Variants in SEC61A1 observed in about 807,000 individuals in gnomAD.
SEC61A1 encodes the protein SEC61 translocon subunit alpha 1.
In SEC61A1, 15 loss-of-function variants were observed where a neutral mutation model predicts 55.2. The ratio of observed to expected loss-of-function variants is 0.27; its 90% confidence interval spans 0.18 to 0.42. The LOEUF (loss-of-function observed/expected upper bound fraction) is 0.42, where lower values mean the gene tolerates loss of function less well. Ranked by LOEUF, SEC61A1 falls within the 10% of genes least tolerant of loss-of-function variation. The pLI is 1.00. For synonymous variants in SEC61A1, 247 were observed against 234.0 expected (o/e 1.06, Z -0.51); for missense variants, 284 against 602.6 (o/e 0.47, Z 5.53).
intron 2 of SEC61A1, among the ~76,000 whole-genome samples, chr3:128,055,217 A>G (rs534264647): frequency 1.3e-5 from 2 of 152,288 alleles, no homozygotes; most frequent in Admixed American, 6.5e-5. Context: ...TCACTTTAGC[A>G]TTGGGGTTTG....
At position 128,067,898 on chromosome 3, in the gene SEC61A1, G is replaced by A. The variant is rs1942033150; in HGVS notation, c.1168-85G>A. 3 of 1,050,700 alleles carry A rather than the reference G, an allele frequency of 2.9e-6. No individual in the cohort carries two copies. Among genetic ancestry groups the A allele is most frequent in the South Asian group, 1.3e-5 (1 of 78,616 alleles). The allele number at this position is 1,050,700 out of a possible 1,614,324, so 65.1% of individuals were successfully genotyped here. On this transcript the variant is annotated intron_variant, in intron 10 of 11. Coordinates refer to ENST00000243253, the MANE Select transcript of SEC61A1 (RefSeq NM_013336.4). This position sits in a 1 kb window ranked among gnomAD's most constrained non-coding sequence, Gnocchi z 4.1. ...GAATATTGTCAGTGCTCGAAGAGGCGATCTGTAACTGTTCAGTACCACTTG... is the reference window on the plus strand; with the variant it reads ...GAATATTGTCAGTGCTCGAAGAGGCAATCTGTAACTGTTCAGTACCACTTG...
At chr3:128,068,137 G>A in intron 11 of SEC61A1, 78 bp downstream of exon 11, 1 of 1,056,846 alleles carries the variant, frequency 9.5e-7, no homozygotes, top group South Asian at 1.3e-5. Context: ...ATCCTGATAG[G>A]CCCTAGCACT....
intron 8 of SEC61A1, among the ~76,000 whole-genome samples, chr3:128,066,432 G>T (rs1350161692): frequency 6.6e-6 from 1 of 151,722 alleles, no homozygotes; most frequent in Non-Finnish European, 1.5e-5. Context: ...TCCATGTTTT[G>T]TTTTGTGTGA....
chr3:128,052,993 G>A (rs958487933), intron 2 of SEC61A1, 91 bp downstream of exon 2: 4 of 952,172 alleles, frequency 4.2e-6, no homozygotes, highest in East Asian at 2.5e-5. Flanking sequence ...CTTCAGCACG[G>A]CAATGGAAAC....
At chr3:128,055,422 C>A in intron 2 of SEC61A1, 94 bp from the exon 3 acceptor site, 1 of 976,826 alleles carries the variant, frequency 1.0e-6, no homozygotes, top group Non-Finnish European at 1.7e-6. Flanking sequence ...TGGTTGGAGT[C>A]CATTTTTAGA....
At chr3:128,065,220 C>G (rs1177754911) in intron 8 of SEC61A1, 183 bp downstream of exon 8, 1 of 725,086 alleles carries the variant, frequency 1.4e-6, no homozygotes, top group South Asian at 1.5e-5. Flanking sequence ...AGTCATGGGA[C>G]CTGCCATTAA....
rs1303416468 is a variant in SEC61A1 at position 128,052,534 on chromosome 3, A to T, written c.-19A>T. The T allele has an allele frequency of 1.3e-6, 2 of 1,596,218 alleles. No individual in the cohort carries two copies. The highest frequency in any genetic ancestry group is 4.5e-5 in the East Asian group (2 of 44,142). On this transcript the variant is annotated 5_prime_UTR_variant, in exon 1 of 12. Transcript: ENST00000243253. ...AGAGCTGAGCTGAAGCGGGACCCGGAGCCCGAGCAGCCGCCGCCATGGCAA... is the reference window on the plus strand; with the variant it reads ...AGAGCTGAGCTGAAGCGGGACCCGGTGCCCGAGCAGCCGCCGCCATGGCAA...
rs1330871789 is a variant in SEC61A1, at chr3:128,070,444, C to T, written c.*782C>T. Reference sequence around the variant, plus strand: ...GTGGACAGACCCTTGCAGTGATGTCCGTTTGTCCAGATTCTGCCAGTCATC... The same window carrying T: ...GTGGACAGACCCTTGCAGTGATGTCTGTTTGTCCAGATTCTGCCAGTCATC... On this transcript the variant is annotated 3_prime_UTR_variant, in exon 12 of 12. Coordinates refer to ENST00000243253, the MANE Select transcript of SEC61A1 (RefSeq NM_013336.4). 1.3e-5 allele frequency: 2 copies of T among 152,210 alleles called. No individual in the cohort carries two copies. The highest frequency in any genetic ancestry group is 2.9e-5 in the Non-Finnish European group (2 of 68,056). 9.4% of individuals were successfully genotyped at this position (152,210 alleles called of 1,614,324 possible).
chr3:128,064,031 C>G (rs1374844756), intron 7 of SEC61A1, among the ~76,000 whole-genome samples: 1 of 152,142 alleles, frequency 6.6e-6, no homozygotes, highest in Non-Finnish European at 1.5e-5. Flanking sequence ...GGCAGGGTGT[C>G]ATTTGGATGG....
At chr3:128,066,842 C>A in intron 8 of SEC61A1, 112 bp from the exon 9 acceptor site, 1 of 997,422 alleles carries the variant, frequency 1.0e-6, no homozygotes, top group Non-Finnish European at 1.5e-6. Flanking sequence ...AGAACCAGCA[C>A]ACAGGATTTC....
chr3:128,062,401 A>G (rs527958572), intron 7 of SEC61A1, among the ~76,000 whole-genome samples: 9 of 152,334 alleles, frequency 5.9e-5, no homozygotes, highest in Admixed American at 4.6e-4. Context: ...ACAGGCAGAG[A>G]CAGTAATCAC....
intron 11 of SEC61A1, 150 bp downstream of exon 11, chr3:128,068,209 A>C (rs1019643658): frequency 4.7e-6 from 3 of 637,992 alleles, no homozygotes; most frequent in African/African-American, 1.8e-5. Context: ...TATATTTATA[A>C]ACTTGCTAAG....
Position 128,069,833 on chromosome 3 carries a change from T to C in SEC61A1, c.*171T>C. 1.5e-6 allele frequency: 1 copy of C among 664,408 alleles called. No individual in the cohort carries two copies. The highest frequency in any genetic ancestry group is 2.5e-6 in the Non-Finnish European group (1 of 403,192). 41.2% of individuals were successfully genotyped at this position (664,408 alleles called of 1,614,324 possible). ...GACATTTTCCAATTTAAAATTTTGC[T>C]TTTTATCCTGGCACTGGCAAAAAGA... is the stretch of plus-strand genomic sequence containing the variant. On this transcript the variant is annotated 3_prime_UTR_variant, in exon 12 of 12. Coordinates refer to ENST00000243253, the MANE Select transcript of SEC61A1 (RefSeq NM_013336.4).
In SEC61A1 at chr3:128,067,883, A is replaced by G. The variant is rs1037093770; in HGVS notation, c.1168-100A>G. 1.1e-6 allele frequency: 1 copy of G among 910,334 alleles called. No individual in the cohort carries two copies. Among genetic ancestry groups the G allele is most frequent in the African/African-American group, 1.7e-5 (1 of 60,480 alleles). 56.4% of individuals were successfully genotyped at this position (910,334 alleles called of 1,614,324 possible). A position where few individuals can be genotyped will look rare whatever the true frequency, so the allele number is the denominator to read the frequency against. On this transcript the variant is annotated intron_variant, in intron 10 of 11. Coordinates refer to ENST00000243253, the MANE Select transcript of SEC61A1 (RefSeq NM_013336.4). The surrounding 1 kb of genome is among the most constrained non-coding windows in gnomAD (Gnocchi z 4.1). ...TAAAGTTCTCTGTATGAATATTGTC[A>G]GTGCTCGAAGAGGCGATCTGTAACT...
At chr3:128,058,171 A>G (rs1941799771) in intron 5 of SEC61A1, among the ~76,000 whole-genome samples, 1 of 141,946 alleles carries the variant, frequency 7.0e-6, no homozygotes, top group Non-Finnish European at 1.5e-5. Context: ...TTAAATTAGT[A>G]TGGTGGATAA....
chr3:128,058,554 A>C (rs1941807290), intron 5 of SEC61A1, among the ~76,000 whole-genome samples: 1 of 152,146 alleles, frequency 6.6e-6, no homozygotes, highest in South Asian at 2.1e-4. Context: ...TTAGATAAAA[A>C]TTAGGATTCT....
rs748096433 is a variant in SEC61A1, at chr3:128,055,496, T to A, written c.76-20T>A. The A allele has an allele frequency of 2.5e-6, 4 of 1,592,576 alleles. No individual in the cohort carries two copies. Among genetic ancestry groups the A allele is most frequent in the Non-Finnish European group, 3.4e-6 (4 of 1,160,470 alleles). ...TTTTCAAAGTAACTCCCTGCTTCAA[T>A]TCATTCTCTCCTACTCTAGATTCAG... On this transcript the variant is annotated intron_variant, in intron 2 of 11. Transcript: ENST00000243253.
At chr3:128,055,984 T>G (rs901695694) in intron 4 of SEC61A1, among the ~76,000 whole-genome samples, 1 of 152,226 alleles carries the variant, frequency 6.6e-6, no homozygotes, top group Non-Finnish European at 1.5e-5. Flanking sequence ...AATGAGAAGA[T>G]AAGTCTATGC....
chr3:128,063,117 A>C (rs935068868), intron 7 of SEC61A1, among the ~76,000 whole-genome samples: 3 of 152,182 alleles, frequency 2.0e-5, no homozygotes, highest in Non-Finnish European at 4.4e-5. Flanking sequence ...CTACCAAGTT[A>C]TTTTGGTTGA....
Sources: gnomAD v4.1 joint callset for allele counts (sites outside exome capture counted in the v4.1 genomes callset) on GRCh38, gnomAD v4.1.1 for gene constraint, Gnocchi (gnomAD v3.1) non-coding constraint, MANE v1.5 for transcripts, NCBI Gene and HGNC (gene_info 2026-07-23, HGNC 2026-07-21) for gene names.